PKD1L1: variants seen among roughly 807,000 people sequenced by gnomAD.
The protein encoded by PKD1L1 is polycystin 1 like 1, transient receptor potential channel interacting, also known as polycystin-1-like protein 1.
In PKD1L1, 236 loss-of-function variants were observed where a neutral mutation model predicts 323.4. The observed-to-expected ratio is 0.73, with a 90% CI of 0.66 to 0.81. The LOEUF is 0.81. Ranked by LOEUF, PKD1L1 falls within the 40% of genes least tolerant of loss-of-function variation. The probability of loss-of-function intolerance (pLI) is 0.00; values close to 1 mark genes in which losing one functional copy is unlikely to be tolerated. For synonymous variants in PKD1L1, 1,344 were observed against 1,335.0 expected (o/e 1.01, Z -0.15); for missense variants, 3,320 against 3,508.0 (o/e 0.95, Z 1.35).
chr7:47,802,001 C>G (rs1298002903), intron 53 of PKD1L1, among the ~76,000 whole-genome samples: 1 of 151,978 alleles, frequency 6.6e-6, no homozygotes, highest in African/African-American at 2.4e-5. Context: ...ACCATCCTGG[C>G]TAACACGGTG....
At chr7:47,855,394 C>A in intron 28 of PKD1L1, 129 bp from the exon 29 acceptor site, 1 of 583,102 alleles carries the variant, frequency 1.7e-6, no homozygotes, top group South Asian at 3.5e-5. Flanking sequence ...ATATTAGAAG[C>A]TAGCATACAA....
chr7:47,928,765 ATGT>A (rs1787702202), intron 7 of PKD1L1, among the ~76,000 whole-genome samples: 1 of 152,170 alleles, frequency 6.6e-6, no homozygotes, highest in Non-Finnish European at 1.5e-5. Context: ...AGACTACAAA[ATGT>A]TGGAAATTTT....
intron 21 of PKD1L1, among the ~76,000 whole-genome samples, chr7:47,879,323 C>A (rs1469667847): frequency 9.2e-5 from 14 of 152,168 alleles, no homozygotes; most frequent in Non-Finnish European, 1.2e-4. Context: ...TTGAACCAAA[C>A]CTATCTGTAG....
upstream of PKD1L1, among the ~76,000 whole-genome samples, chr7:47,951,907 A>C (rs1356376494): frequency 6.6e-6 from 1 of 152,088 alleles, no homozygotes; most frequent in African/African-American, 2.4e-5. Flanking sequence ...CTCACCTCCA[A>C]ATGGAGCTTC....
At chr7:47,784,796 G>A (rs1184873214) in intron 56 of PKD1L1, among the ~76,000 whole-genome samples, 2 of 152,092 alleles carry the variant, frequency 1.3e-5, no homozygotes, top group Non-Finnish European at 2.9e-5. Context: ...TTTTAAAAGC[G>A]TTTCACTTGG....
At chr7:47,955,331 G>A in the PKD1L1 span, among the ~76,000 whole-genome samples, 10 of 152,262 alleles carry the variant, frequency 6.6e-5, no homozygotes, top group East Asian at 1.9e-3. Flanking sequence ...GAGTGAATGT[G>A]TAAGGCACTC....
intron 53 of PKD1L1, among the ~76,000 whole-genome samples, chr7:47,801,743 A>G (rs985636810): frequency 6.6e-6 from 1 of 152,242 alleles, no homozygotes; most frequent in Non-Finnish European, 1.5e-5. Context: ...GAAGAAAGAA[A>G]GCACAATCTA....
intron 15 of PKD1L1, among the ~76,000 whole-genome samples, chr7:47,892,091 C>G (rs1215820793): frequency 6.6e-6 from 1 of 152,150 alleles, no homozygotes; most frequent in Non-Finnish European, 1.5e-5. Context: ...CAAATAAGAG[C>G]CCTGCCCTCC....
chr7:47,936,765 C>A, intron 4 of PKD1L1, 81 bp downstream of exon 4: 2 of 1,118,852 alleles, frequency 1.8e-6, no homozygotes, highest in South Asian at 1.4e-5. Flanking sequence ...CATCGACTTT[C>A]ACATCTGAGC....
chr7:47,905,720 A>G (rs1421052413), intron 10 of PKD1L1, 123 bp downstream of exon 10: 31 of 1,367,940 alleles, frequency 2.3e-5, no homozygotes, highest in African/African-American at 4.5e-5. Context: ...AACCTGTTCA[A>G]TGACAAATGG....
In PKD1L1 at chr7:47,775,119, T is replaced by A. The variant is rs765948355; in HGVS notation, c.*24A>T. 2 of 1,613,292 alleles carry A rather than the reference T, an allele frequency of 1.2e-6. No homozygotes were observed. The highest frequency in any genetic ancestry group is 1.7e-6 in the Non-Finnish European group (2 of 1,179,646). ...GGGTTAAGCAAAACAGGGTCCATAG[T>A]GCCTATGCAAGGTACCAGGCTCCTC... is the stretch of plus-strand genomic sequence containing the variant. On this transcript the variant is annotated 3_prime_UTR_variant, in exon 57 of 57. Coordinates refer to ENST00000289672, the MANE Select transcript of PKD1L1 (RefSeq NM_138295.5).
intron 50 of PKD1L1, among the ~76,000 whole-genome samples, chr7:47,810,983 A>G (rs1230149820): frequency 1.3e-5 from 2 of 152,136 alleles, no homozygotes; most frequent in Non-Finnish European, 2.9e-5. Context: ...GACTCTAGAC[A>G]GCTCTCTCTT....
At chr7:47,810,184 G>C (rs527356165) in intron 50 of PKD1L1, among the ~76,000 whole-genome samples, 1 of 152,216 alleles carries the variant, frequency 6.6e-6, no homozygotes, top group Admixed American at 6.5e-5. Flanking sequence ...TCCTCTGTTG[G>C]AGTTATGTGC....
chr7:47,807,734 C>T (rs1413971849), intron 52 of PKD1L1, among the ~76,000 whole-genome samples: 1 of 152,138 alleles, frequency 6.6e-6, no homozygotes, highest in Non-Finnish European at 1.5e-5. Context: ...AGCCCCCATC[C>T]CTGTGGGGAA....
chr7:47,902,569 C>A, intron 12 of PKD1L1, 58 bp from the exon 13 acceptor site: 2 of 1,576,540 alleles, frequency 1.3e-6, no homozygotes, highest in Non-Finnish European at 1.7e-6. Flanking sequence ...GTCAGGCTTT[C>A]ATTCACTCTT....
intron 8 of PKD1L1, among the ~76,000 whole-genome samples, chr7:47,909,069 TA>T (rs984342932): frequency 6.6e-6 from 1 of 152,136 alleles, no homozygotes; most frequent in African/African-American, 2.4e-5. Flanking sequence ...GGGAGCTGAA[TA>T]AAAGGTTATG....
intron 17 of PKD1L1, among the ~76,000 whole-genome samples, chr7:47,886,504 G>T (rs1315189708): frequency 6.6e-6 from 1 of 152,166 alleles, no homozygotes; most frequent in Non-Finnish European, 1.5e-5. Flanking sequence ...GTTGGAGGGG[G>T]AGCCTGGTGG....
chr7:47,856,258 GGAACTCCT>G (rs1181387517), intron 28 of PKD1L1, among the ~76,000 whole-genome samples: 1 of 152,060 alleles, frequency 6.6e-6, no homozygotes, highest in Non-Finnish European at 1.5e-5. Context: ...AGGTTGGTCT[GGAACTCCT>G]GACCTTAGGT....
chr7:47,857,855 T>C (rs1282431640), intron 27 of PKD1L1, 23 bp from the exon 28 acceptor site: 1 of 1,603,890 alleles, frequency 6.2e-7, no homozygotes, highest in Non-Finnish European at 8.5e-7. Flanking sequence ...GCATAGGGAG[T>C]GGGATGTTTA....
Sources: allele counts gnomAD v4.1 joint callset (sites outside exome capture counted in the v4.1 genomes callset), GRCh38; gene constraint gnomAD v4.1.1; transcripts MANE v1.5; gene names NCBI Gene and HGNC (gene_info 2026-07-23, HGNC 2026-07-21).